THAP12: variants seen among roughly 807,000 people sequenced by gnomAD.
THAP12 encodes 52 kDa repressor of the inhibitor of the protein kinase.
A neutral mutation model predicts 63.0 loss-of-function variants in THAP12; 20 were observed. The observed-to-expected ratio is 0.32, with a 90% confidence interval of 0.22 to 0.46. The LOEUF is 0.46. Among genes scored for constraint, THAP12 ranks in the 20% least tolerant of loss-of-function variants. THAP12 has a pLI of 1.00. For synonymous variants in THAP12, 264 were observed against 328.4 expected, an observed-to-expected ratio of 0.80 and a Z score of 2.12; for missense variants, 568 against 908.2, an observed-to-expected ratio of 0.63 and a Z score of 4.81.
rs367578450 is a variant in THAP12, at chr11:76,351,064, G to A, written c.2086C>T (p.Arg696Trp). 26 of 1,611,790 alleles carry A rather than the reference G, an allele frequency of 1.6e-5. No homozygotes were observed. Among genetic ancestry groups the A allele is most frequent in the South Asian group, 6.6e-5 (6 of 90,978 alleles). The change falls in exon 5 of 5, where the codon CGG becomes TGG. Residue 696 changes from arginine (R) to tryptophan (W), a missense_variant. Transcript: ENST00000260045. ...AGACGCTTTCGTCCATTTTCATACC[G>A]CTCATTCTCAACCTTCATCACAGGA... ...ILPVMKVENE[R>W]YENGRKRLKA...
chr11:76,353,979 A>G (rs1447145488), intron 4 of THAP12, among the ~76,000 whole-genome samples: 1 of 152,268 alleles, frequency 6.6e-6, no homozygotes, highest in African/African-American at 2.4e-5. Flanking sequence ...ACTGCACTCC[A>G]GCCTGGGCAA....
At chr11:76,358,370 T>G (rs964570142) in intron 3 of THAP12, 2 of 152,188 alleles carry the variant, frequency 1.3e-5, no homozygotes, top group East Asian at 3.8e-4. Flanking sequence ...AATAGACATA[T>G]TGCAGTCAAC....
At chr11:76,365,196 C>A (rs945750381) in intron 2 of THAP12, among the ~76,000 whole-genome samples, 1 of 151,254 alleles carries the variant, frequency 6.6e-6, no homozygotes, top group African/African-American at 2.4e-5. Flanking sequence ...GAGAGAGAAT[C>A]GCTTGAGCCC....
At chr11:76,358,613 T>C (rs1314558571) in intron 3 of THAP12, 1 of 152,038 alleles carries the variant, frequency 6.6e-6, no homozygotes, top group African/African-American at 2.4e-5. Flanking sequence ...GAGACCAAAC[T>C]GGGCAACATG....
intron 1 of THAP12, among the ~76,000 whole-genome samples, chr11:76,370,148 C>A (rs561506937): frequency 1.3e-5 from 2 of 152,256 alleles, no homozygotes; most frequent in South Asian, 4.2e-4. Context: ...CTCCCTCTTC[C>A]CCCCAAAACC....
chr11:76,363,122 A>G (rs1259038168), intron 2 of THAP12, among the ~76,000 whole-genome samples: 6 of 152,210 alleles, frequency 3.9e-5, no homozygotes, highest in Non-Finnish European at 7.3e-5. Context: ...CAGCTTAGGC[A>G]ACAGAGTGAG....
At position 76,351,086 on chromosome 11, in the gene THAP12, A is replaced by C; in HGVS notation, c.2064T>G (p.Pro688=). ...YALLKVLCIL[P]VMKVENERYE... ...ACCGCTCATTCTCAACCTTCATCAC[A>C]GGAAGAATACACAGGACCTTCAGCA... Residue 688 remains proline (P), a synonymous_variant, in exon 5 of 5, where the codon CCT becomes CCG. Coordinates refer to ENST00000260045, the MANE Select transcript of THAP12 (RefSeq NM_004705.4). The C allele has an allele frequency of 2.5e-6, 4 of 1,611,866 alleles. No individual in the cohort carries two copies. Among genetic ancestry groups the C allele is most frequent in the Non-Finnish European group, 3.4e-6 (4 of 1,179,786 alleles).
intron 1 of THAP12, among the ~76,000 whole-genome samples, chr11:76,380,010 G>T (rs1946740517): frequency 6.6e-6 from 1 of 152,292 alleles, no homozygotes; most frequent in South Asian, 2.1e-4. Flanking sequence ...CACATAGTAG[G>T]CATTGATTTT....
intron 1 of THAP12, among the ~76,000 whole-genome samples, chr11:76,371,817 T>C (rs1233748127): frequency 4.8e-5 from 7 of 144,708 alleles, no homozygotes; most frequent in East Asian, 2.0e-4. Flanking sequence ...TTTCTTTTTT[T>C]TTTTTTTTTT....
chr11:76,350,650 C>T lies in THAP12; in HGVS notation c.*214G>A, dbSNP rs1946519309. The T allele has an allele frequency of 2.1e-6, 1 of 467,118 alleles. No homozygotes were observed. Among genetic ancestry groups the T allele is most frequent in the Non-Finnish European group, 3.4e-6 (1 of 292,678 alleles). The allele number at this position is 467,118 out of a possible 1,614,324, so 28.9% of individuals were successfully genotyped here. ...TCAACAGAGATCACGCAAAAGGAAA[C>T]ATGGCACTTTCAACGTTCTCTTCTG... is the stretch of plus-strand genomic sequence containing the variant. On this transcript the variant is annotated 3_prime_UTR_variant, in exon 5 of 5. Transcript: ENST00000260045.
intron 4 of THAP12, among the ~76,000 whole-genome samples, chr11:76,354,607 A>G (rs1386422506): frequency 6.6e-6 from 1 of 152,148 alleles, no homozygotes; most frequent in African/African-American, 2.4e-5. Flanking sequence ...GCCTTAATTC[A>G]AGGCCTTTCA....
chr11:76,369,895 A>G (rs1946658870), intron 1 of THAP12, among the ~76,000 whole-genome samples: 1 of 152,256 alleles, frequency 6.6e-6, no homozygotes, highest in African/African-American at 2.4e-5. Flanking sequence ...TTTTTCCCTC[A>G]TGATCCAGAT....
intron 1 of THAP12, among the ~76,000 whole-genome samples, chr11:76,368,052 G>T (rs958157161): frequency 1.3e-5 from 2 of 152,078 alleles, no homozygotes; most frequent in African/African-American, 2.4e-5. Flanking sequence ...AAAATAATTT[G>T]CCATACTGCT....
intron 1 of THAP12, among the ~76,000 whole-genome samples, chr11:76,370,169 A>G (rs934503133): frequency 6.6e-6 from 1 of 152,106 alleles, no homozygotes. Context: ...TAACTAATCC[A>G]AGGTATGTGA....
intron 3 of THAP12, among the ~76,000 whole-genome samples, chr11:76,360,054 G>A (rs1776829776): frequency 1.3e-5 from 2 of 152,130 alleles, no homozygotes; most frequent in Admixed American, 6.5e-5. Context: ...ACCAGTGGAC[G>A]AAAGGAAGAA....
chr11:76,366,704 A>T (rs1946633966), intron 1 of THAP12, among the ~76,000 whole-genome samples: 1 of 152,000 alleles, frequency 6.6e-6, no homozygotes, highest in Admixed American at 6.6e-5. Flanking sequence ...AAAATCAGCA[A>T]CTAGATGTTC....
At position 76,361,978 on chromosome 11, in the gene THAP12, C is replaced by T. The variant is rs566232891; in HGVS notation, c.211-915G>A. Among the ~76,000 whole-genome samples the T allele has an allele frequency of 2.0e-5, 3 of 152,276 alleles. 1 individual carries two copies. The South Asian group carries it at 6.2e-4, about 32-fold the overall frequency. On this transcript the variant is annotated intron_variant, in intron 2 of 4. Transcript: ENST00000260045. Reference sequence around the variant, plus strand: ...AGGTATTTCTGTATCTCTTTCAAGTCCTAATCATCTTATGAAAGAATGATC... The same window carrying T: ...AGGTATTTCTGTATCTCTTTCAAGTTCTAATCATCTTATGAAAGAATGATC...
chr11:76,372,449 G>A lies in THAP12; in HGVS notation c.90-6477C>T, dbSNP rs547774679. Among the ~76,000 whole-genome samples, 79 of 150,884 alleles carry A rather than the reference G, an allele frequency of 5.2e-4. 1 individual carries two copies. The highest frequency in any genetic ancestry group is 1.7e-3 in the African/African-American group (68 of 40,998). Reference sequence around the variant, plus strand: ...GAGAGAGACAGGGCCTCAATCTGTCGCCCAGGCTGTAGCACACTGGTGCAA... The same window carrying A: ...GAGAGAGACAGGGCCTCAATCTGTCACCCAGGCTGTAGCACACTGGTGCAA... On this transcript the variant is annotated intron_variant, in intron 1 of 4. Transcript: ENST00000260045.
chr11:76,352,922 T>C (rs1218715960), intron 4 of THAP12, 128 bp from the exon 5 acceptor site: 1 of 1,104,526 alleles, frequency 9.1e-7, no homozygotes, highest in African/African-American at 1.6e-5. Flanking sequence ...GGGTATTTAC[T>C]AGACCACAGA....
Sources: allele counts gnomAD v4.1 joint callset (sites outside exome capture counted in the v4.1 genomes callset), GRCh38; gene constraint gnomAD v4.1.1; transcripts MANE v1.5; gene names NCBI Gene and HGNC (gene_info 2026-07-23, HGNC 2026-07-21).